Variants in HHIP observed in about 807,000 individuals in gnomAD.
HHIP encodes hedgehog-interacting protein.
A neutral mutation model predicts 74.0 loss-of-function variants in HHIP; 12 were observed. The observed-to-expected ratio is 0.16, with a 90% CI of 0.10 to 0.26. The LOEUF (loss-of-function observed/expected upper bound fraction) is 0.26. Ranked by LOEUF, HHIP falls within the 10% of genes least tolerant of loss-of-function variation. The pLI, the probability that HHIP is intolerant of heterozygous loss-of-function variation, is 1.00. For missense variants in HHIP, 788 were observed against 845.0 expected (o/e 0.93, Z 0.84); for synonymous variants, 309 against 311.6 (o/e 0.99, Z 0.09).
intron 4 of HHIP, among the ~76,000 whole-genome samples, chr4:144,686,194 G>A (rs1729480100): frequency 6.6e-6 from 1 of 152,176 alleles, no homozygotes; most frequent in African/African-American, 2.4e-5. Flanking sequence ...GGAAGTAAGT[G>A]TGGCTCACCC....
intron 4 of HHIP, among the ~76,000 whole-genome samples, chr4:144,698,907 A>C (rs1213549295): frequency 2.6e-5 from 4 of 152,226 alleles, no homozygotes; most frequent in Non-Finnish European, 5.9e-5. Context: ...AAGTATTCTC[A>C]AATAGACTTG....
intron 11 of HHIP, among the ~76,000 whole-genome samples, chr4:144,719,815 T>C (rs1017213315): frequency 9.9e-5 from 15 of 152,242 alleles, no homozygotes; most frequent in African/African-American, 3.6e-4. Flanking sequence ...ATTCCTTCTA[T>C]ACTATTTTCA....
intron 11 of HHIP, among the ~76,000 whole-genome samples, chr4:144,721,197 A>G (rs1730623840): frequency 6.6e-6 from 1 of 152,146 alleles, no homozygotes; most frequent in African/African-American, 2.4e-5. Context: ...GCAGGAAACT[A>G]TGAAATTTTT....
chr4:144,714,432 A>C, intron 9 of HHIP, 84 bp downstream of exon 9: 1 of 1,367,754 alleles, frequency 7.3e-7, no homozygotes, highest in South Asian at 1.2e-5. Context: ...AAATATTCAA[A>C]TGATTGTCTC....
At chr4:144,659,124 C>T (rs1259024569) in intron 3 of HHIP, among the ~76,000 whole-genome samples, 178 bp downstream of exon 3, 4 of 152,152 alleles carry the variant, frequency 2.6e-5, no homozygotes, top group African/African-American at 9.7e-5. Context: ...GCTTTTAATA[C>T]TTAGACTACT....
intron 12 of HHIP, among the ~76,000 whole-genome samples, chr4:144,736,420 C>A (rs971311324): frequency 1.3e-5 from 2 of 152,132 alleles, no homozygotes; most frequent in African/African-American, 4.8e-5. Context: ...CAGGTGTGAG[C>A]CACCATGCCC....
intron 4 of HHIP, among the ~76,000 whole-genome samples, chr4:144,696,439 A>G (rs569710735): frequency 5.9e-5 from 9 of 151,968 alleles, no homozygotes; most frequent in Non-Finnish European, 1.0e-4. Context: ...AAAGTAACTG[A>G]GGGATGAGCT....
At chr4:144,697,666 AT>A (rs1729857468) in intron 4 of HHIP, among the ~76,000 whole-genome samples, 1 of 152,136 alleles carries the variant, frequency 6.6e-6, no homozygotes, top group Non-Finnish European at 1.5e-5. Flanking sequence ...TAATATGAAC[AT>A]AATAAATTAA....
At chr4:144,690,144 A>G (rs117614023) in intron 4 of HHIP, among the ~76,000 whole-genome samples, 1 of 152,182 alleles carries the variant, frequency 6.6e-6, no homozygotes, top group Non-Finnish European at 1.5e-5. Context: ...AGAGAAGATA[A>G]TTGTGTAAAG....
At chr4:144,697,065 C>T (rs1463261177) in intron 4 of HHIP, among the ~76,000 whole-genome samples, 1 of 151,936 alleles carries the variant, frequency 6.6e-6, no homozygotes, top group Non-Finnish European at 1.5e-5. Context: ...TTTTGTTCAA[C>T]AAGTCTTAAG....
chr4:144,701,069 A>G (rs1422624474), intron 4 of HHIP, among the ~76,000 whole-genome samples: 1 of 152,222 alleles, frequency 6.6e-6, no homozygotes, highest in East Asian at 1.9e-4. Context: ...GACAGTTAAT[A>G]AAAGAAATGT....
intron 4 of HHIP, among the ~76,000 whole-genome samples, chr4:144,670,951 C>A (rs1729022595): frequency 6.6e-6 from 1 of 151,990 alleles, no homozygotes; most frequent in Non-Finnish European, 1.5e-5. Context: ...TGAAACAAAA[C>A]CTGAACCGAC....
intron 6 of HHIP, 95 bp from the exon 7 acceptor site, chr4:144,708,073 G>C (rs1560714358): frequency 3.0e-6 from 4 of 1,321,282 alleles, no homozygotes; most frequent in Non-Finnish European, 4.3e-6. Context: ...CTAAGGGGAT[G>C]ATTTTTTCAT....
chr4:144,716,854 GAAAAAAAAAAAAAAAAAAAAAAA>G lies in HHIP; in HGVS notation c.1678+1436_1678+1458del, dbSNP rs869028218. ...ACATGAGCAAAACTCCGTCTCAAAA[GAAAAAAAAAAAAAAAAAAAAAAA>G]AAAAAAAAAAAGTAAAAGAATGGTT... On this transcript the variant is annotated intron_variant, in intron 10 of 12. Transcript: ENST00000296575. Among the ~76,000 whole-genome samples the G allele has an allele frequency of 2.4e-4, 13 of 54,654 alleles. 1 individual carries two copies. Among genetic ancestry groups the G allele is most frequent in the Admixed American group, 1.1e-3 (4 of 3,584 alleles). 35.9% of individuals were successfully genotyped at this position (54,654 alleles called of 152,430 possible). A position where few individuals can be genotyped will look rare whatever the true frequency, so the allele number is the denominator to read the frequency against.
chr4:144,723,591 G>A (rs1228216169), intron 11 of HHIP, among the ~76,000 whole-genome samples: 1 of 152,152 alleles, frequency 6.6e-6, no homozygotes, highest in Non-Finnish European at 1.5e-5. Context: ...ATCAGCCAAA[G>A]TTTTATGCAA....
At chr4:144,648,287 G>A (rs1219301262) in intron 1 of HHIP, 1 of 152,216 alleles carries the variant, frequency 6.6e-6, no homozygotes, top group African/African-American at 2.4e-5. Context: ...GTATTTGTTA[G>A]TTGGTTCACT....
At chr4:144,734,247 A>C (rs974170548) in intron 11 of HHIP, among the ~76,000 whole-genome samples, 2 of 151,990 alleles carry the variant, frequency 1.3e-5, no homozygotes, top group East Asian at 1.9e-4. Context: ...AAAAAAAAAA[A>C]CAAAGATTCC....
chr4:144,729,507 G>A (rs1262669025), intron 11 of HHIP, among the ~76,000 whole-genome samples: 1 of 152,178 alleles, frequency 6.6e-6, no homozygotes, highest in Non-Finnish European at 1.5e-5. Flanking sequence ...ATATGCATGT[G>A]AGTCACCTGG....
At chr4:144,663,918 G>T (rs1049733133) in intron 4 of HHIP, among the ~76,000 whole-genome samples, 1 of 152,328 alleles carries the variant, frequency 6.6e-6, no homozygotes, top group Admixed American at 6.5e-5. Flanking sequence ...GAATGTGAAA[G>T]TCAGCCTTAG....
Sources: allele counts gnomAD v4.1 joint callset (sites outside exome capture counted in the v4.1 genomes callset), GRCh38; gene constraint gnomAD v4.1.1; transcripts MANE v1.5; gene names NCBI Gene and HGNC (gene_info 2026-07-23, HGNC 2026-07-21).